Variants in L3MBTL2 observed in about 807,000 individuals in gnomAD.
The protein encoded by L3MBTL2 is lethal(3)malignant brain tumor-like protein 2.
A neutral mutation model predicts 86.4 loss-of-function variants in L3MBTL2; 49 were observed. The ratio of observed to expected loss-of-function variants is 0.57; its 90% CI spans 0.45 to 0.72. L3MBTL2 has a LOEUF of 0.72. Among genes scored for constraint, L3MBTL2 ranks in the 30% least tolerant of loss-of-function variants. The pLI is 0.00. For missense variants in L3MBTL2, 755 were observed against 923.7 expected (o/e 0.82, Z 2.37); for synonymous variants, 336 against 350.6 (o/e 0.96, Z 0.47).
At chr22:41,207,630 T>G (rs2030340266) in intron 1 of L3MBTL2, among the ~76,000 whole-genome samples, 1 of 152,126 alleles carries the variant, frequency 6.6e-6, no homozygotes, top group African/African-American at 2.4e-5. Context: ...GCACTAGAGA[T>G]ATTTGAGCTC....
At chr22:41,208,099 T>C (rs2030391178) in intron 1 of L3MBTL2, among the ~76,000 whole-genome samples, 1 of 151,896 alleles carries the variant, frequency 6.6e-6, no homozygotes, top group Admixed American at 6.6e-5. Context: ...CCCAAAGTGC[T>C]GGGATTATAG....
Position 41,224,252 on chromosome 22 carries a change from G to A in L3MBTL2, c.1174+1G>A. ...GTGGGCCACGGCATCAAGATGTCAGGTTAGCAGAGCCCCAGGCCAGAGGGA... is the reference window on the plus strand; with the variant it reads ...GTGGGCCACGGCATCAAGATGTCAGATTAGCAGAGCCCCAGGCCAGAGGGA... On this transcript the variant is annotated splice_donor_variant, in intron 9 of 16. Transcript: ENST00000216237. LOFTEE classifies it high-confidence loss of function. This position sits in a 1 kb window ranked among gnomAD's most constrained non-coding sequence, Gnocchi z 4.9. The A allele has an allele frequency of 6.2e-7, 1 of 1,607,948 alleles. No individual in the cohort carries two copies. Among genetic ancestry groups the A allele is most frequent in the Non-Finnish European group, 8.5e-7 (1 of 1,175,228 alleles).
chr22:41,227,223 C>A lies in L3MBTL2; in HGVS notation c.1722C>A (p.Asp574Glu). Residue 574 changes from aspartate (D) to glutamate (E), a missense_variant, in exon 14 of 17, where the codon GAC becomes GAA. Around this residue, in one of 3 missense-constraint regions of L3MBTL2, gnomAD observed 634 missense variants for 748.9 expected, o/e 0.85. Coordinates refer to ENST00000216237, the MANE Select transcript of L3MBTL2 (RefSeq NM_031488.5). This position sits in a 1 kb window ranked among gnomAD's most constrained non-coding sequence, Gnocchi z 6.0. ...RLLSIHFDGW[D>E]SEYDQWVDCE... is the part of the protein sequence containing the mutation. ...TCAGCATCCACTTTGACGGCTGGGA[C>A]AGCGAGTACGACCAGTGGGTGGACT... The A allele has an allele frequency of 6.2e-7, 1 of 1,613,438 alleles. No individual in the cohort carries two copies. The highest frequency in any genetic ancestry group is 1.3e-5 in the African/African-American group (1 of 75,054).
At chr22:41,221,390 A>G in intron 8 of L3MBTL2, 103 bp downstream of exon 8, 1 of 957,892 alleles carries the variant, frequency 1.0e-6, no homozygotes, top group African/African-American at 1.6e-5. Flanking sequence ...CCCTTGCCTG[A>G]TGATCTTCAG....
At position 41,224,821 on chromosome 22, in the gene L3MBTL2, C is replaced by A; in HGVS notation, c.1251+20C>A. On this transcript the variant is annotated intron_variant, in intron 10 of 16. Transcript: ENST00000216237. The surrounding 1 kb of genome is among the most constrained non-coding windows in gnomAD (Gnocchi z 4.9). The stretch of plus-strand genomic sequence containing the variant: ...AAGAAGGTGAGGTTCAGCTCTTGGG[C>A]GCTTTTCCCCTCAGCCATGGGTCCA... 6.2e-7 allele frequency: 1 copy of A among 1,603,744 alleles called. No homozygotes were observed. Among genetic ancestry groups the A allele is most frequent in the Non-Finnish European group, 8.5e-7 (1 of 1,170,616 alleles).
In L3MBTL2 at chr22:41,227,516, C is replaced by T. The variant is rs572989879; in HGVS notation, c.1822+193C>T. ...TCTGTCTCCCTTTCCCTCTGGCCTG[C>T]AGAGCTCCTTCCTTCATCTTGCCCA... On this transcript the variant is annotated intron_variant, in intron 14 of 16. Coordinates refer to ENST00000216237, the MANE Select transcript of L3MBTL2 (RefSeq NM_031488.5). The surrounding 1 kb of genome is among the most constrained non-coding windows in gnomAD (Gnocchi z 6.0). 1.2e-4 allele frequency: 172 copies of T among 1,407,620 alleles called. No homozygotes were observed. The highest frequency in any genetic ancestry group is 1.5e-4 in the Non-Finnish European group (157 of 1,017,506). The allele number at this position is 1,407,620 out of a possible 1,614,324, so 87.2% of individuals were successfully genotyped here. A position where few individuals can be genotyped will look rare whatever the true frequency, so the allele number is the denominator to read the frequency against.
intron 2 of L3MBTL2, among the ~76,000 whole-genome samples, chr22:41,211,732 G>A (rs1297859061): frequency 5.0e-4 from 53 of 107,018 alleles, no homozygotes; most frequent in African/African-American, 2.2e-3. Flanking sequence ...AATTTTTTTT[G>A]TATTTTAGTA....
intron 5 of L3MBTL2, chr22:41,218,612 A>G (rs948340109): frequency 1.3e-5 from 2 of 152,184 alleles, no homozygotes; most frequent in Admixed American, 6.6e-5. Context: ...GTCCTGGGGC[A>G]CTTTATTTTA....
rs374207698 is a variant in L3MBTL2, at chr22:41,229,669, G to A, written c.2005+13G>A. ...GTTCCTGGCGAGAGTAAGAGCCACC[G>A]GGCTGGGTCAAGGCAGGACCAGCCT... On this transcript the variant is annotated intron_variant, in intron 16 of 16. Coordinates refer to ENST00000216237, the MANE Select transcript of L3MBTL2 (RefSeq NM_031488.5). 6.3e-5 allele frequency: 101 copies of A among 1,613,072 alleles called. No individual in the cohort carries two copies. Among genetic ancestry groups the A allele is most frequent in the African/African-American group, 3.7e-4 (28 of 74,988 alleles).
Position 41,205,375 on chromosome 22 carries a change from C to G in L3MBTL2, c.13C>G (p.Arg5Gly), listed in dbSNP as rs961208743. 3 of 1,614,132 alleles carry G rather than the reference C, an allele frequency of 1.9e-6. No individual in the cohort carries two copies. The highest frequency in any genetic ancestry group is 2.2e-5 in the South Asian group (2 of 91,088). The change falls in exon 1 of 17, where the codon CGG becomes GGG. Residue 5 changes from arginine (R) to glycine (G), a missense_variant. This residue lies in a region of L3MBTL2 where 103 missense variants were observed against 105.2 expected (regional missense o/e 0.98). Coordinates refer to ENST00000216237, the MANE Select transcript of L3MBTL2 (RefSeq NM_031488.5). ...AAACTGAGGTCTCATGGAGAAGCCC[C>G]GGAGTATTGAGGTGAGAAGGCGAGG... MEKP[R>G]SIEETPSSEP...
rs531378792 is a variant in L3MBTL2 at position 41,224,477 on chromosome 22, C to A, written c.1174+226C>A. ...GAACCCAGATGCTACCAGCCCCGAT[C>A]CTCTCCCCTGTCAATGCGGGAGCAG... On this transcript the variant is annotated intron_variant, in intron 9 of 16. Coordinates refer to ENST00000216237, the MANE Select transcript of L3MBTL2 (RefSeq NM_031488.5). The surrounding 1 kb of genome is among the most constrained non-coding windows in gnomAD (Gnocchi z 4.9). Among the ~76,000 whole-genome samples the A allele has an allele frequency of 6.6e-6, 1 of 152,312 alleles. No individual in the cohort carries two copies. Among genetic ancestry groups the A allele is most frequent in the East Asian group, 1.9e-4 (1 of 5,176 alleles).
chr22:41,221,153 A>T (rs1054848282), intron 7 of L3MBTL2, 46 bp from the exon 8 acceptor site: 1 of 1,401,448 alleles, frequency 7.1e-7, no homozygotes, highest in Non-Finnish European at 9.4e-7. Context: ...CTGTCAGTGG[A>T]GGTTTGTCAG....
chr22:41,210,669 G>C (rs894223121), intron 2 of L3MBTL2, among the ~76,000 whole-genome samples: 2 of 151,866 alleles, frequency 1.3e-5, no homozygotes, highest in East Asian at 3.8e-4. Flanking sequence ...TCACCATGTC[G>C]GCCAGGCTGG....
intron 8 of L3MBTL2, among the ~76,000 whole-genome samples, chr22:41,223,787 C>A (rs527389785): frequency 3.3e-5 from 5 of 152,230 alleles, no homozygotes; most frequent in Non-Finnish European, 7.3e-5. Flanking sequence ...CACTGCAAGC[C>A]GTGTGCCTTC....
intron 1 of L3MBTL2, among the ~76,000 whole-genome samples, chr22:41,207,075 TCA>T (rs996439715): frequency 2.6e-5 from 4 of 152,032 alleles, no homozygotes; most frequent in African/African-American, 7.2e-5. Context: ...ACGCACAAAA[TCA>T]CACAGTTAAT....
At chr22:41,216,091 C>T in intron 3 of L3MBTL2, 48 bp from the exon 4 acceptor site, 1 of 1,569,168 alleles carries the variant, frequency 6.4e-7, no homozygotes, top group Non-Finnish European at 8.7e-7. Context: ...AATCCAGACT[C>T]ATGATCCCAG....
chr22:41,205,443 G>A (rs964764518), intron 1 of L3MBTL2, 57 bp downstream of exon 1: 3 of 1,602,636 alleles, frequency 1.9e-6, no homozygotes, highest in African/African-American at 1.3e-5. Flanking sequence ...GCCTCGCTCC[G>A]TGGGCCCTTC....
chr22:41,209,626 G>T, intron 1 of L3MBTL2, 70 bp from the exon 2 acceptor site: 1 of 1,375,034 alleles, frequency 7.3e-7, no homozygotes. Flanking sequence ...TAGCAGATCT[G>T]CAGCTTCTCC....
rs942706810 is a variant in L3MBTL2, at chr22:41,227,959, C to G, written c.1888+90C>G. ...GAGCAGGCGGGGGTCAGCCCCCAGG[C>G]ACTGGTTCCCAGGTGCTGTCCTACT... On this transcript the variant is annotated intron_variant, in intron 15 of 16. Transcript: ENST00000216237. The surrounding 1 kb of genome is among the most constrained non-coding windows in gnomAD (Gnocchi z 6.0). 1.6e-5 allele frequency: 24 copies of G among 1,537,354 alleles called. No individual in the cohort carries two copies. Among genetic ancestry groups the G allele is most frequent in the Non-Finnish European group, 2.1e-5 (24 of 1,141,722 alleles).
Sources: gnomAD v4.1 joint callset for allele counts (sites outside exome capture counted in the v4.1 genomes callset) on GRCh38, gnomAD v4.1.1 for gene constraint, gnomAD v4.1.1 regional missense constraint, Gnocchi (gnomAD v3.1) non-coding constraint, MANE v1.5 for transcripts, NCBI Gene and HGNC (gene_info 2026-07-23, HGNC 2026-07-21) for gene names.